The following FHIT variants were observed in gnomAD, a reference collection of about 807,000 sequenced individuals.
FHIT encodes the protein bis(5'-adenosyl)-triphosphatase.
A neutral mutation model predicts 17.9 loss-of-function variants in FHIT; 19 were observed. The ratio of observed to expected loss-of-function variants is 1.06; its 90% CI spans 0.74 to 1.56. FHIT has a LOEUF of 1.56. Ranked by LOEUF, FHIT falls within the 40% of genes most tolerant of loss-of-function variation. The probability of loss-of-function intolerance (pLI) is 0.00; values close to 1 mark genes in which losing one functional copy is unlikely to be tolerated. For missense variants in FHIT, 248 were observed against 189.2 expected (o/e 1.31, Z -1.82); for synonymous variants, 81 against 69.7 (o/e 1.16, Z -0.81).
chr3:59,930,565 G>A (rs565138754), intron 7 of FHIT, among the ~76,000 whole-genome samples: 46 of 152,230 alleles, frequency 3.0e-4, no homozygotes, highest in Non-Finnish European at 5.6e-4. Flanking sequence ...ACCAGAAAGG[G>A]CGGCAGGCTT....
At chr3:60,003,953 A>T (rs1231949731) in intron 7 of FHIT, among the ~76,000 whole-genome samples, 3 of 151,654 alleles carry the variant, frequency 2.0e-5, no homozygotes, top group Admixed American at 2.0e-4. Flanking sequence ...AGCTGATTAC[A>T]TGGAGTTAGA....
intron 6 of FHIT, among the ~76,000 whole-genome samples, chr3:60,012,266 G>GTTTTTTTTTTT (rs769497004): frequency 3.6e-5 from 4 of 112,478 alleles, no homozygotes; most frequent in Admixed American, 9.6e-5. Flanking sequence ...TTTTTTTGTT[G>GTTTTTTTTTTT]TTTTTTTTTT....
chr3:60,071,854 G>T (rs541160868), intron 5 of FHIT, among the ~76,000 whole-genome samples: 2 of 152,300 alleles, frequency 1.3e-5, no homozygotes, highest in East Asian at 3.9e-4. Flanking sequence ...TAGTGAATAA[G>T]TCTAATGAGA....
At chr3:60,033,205 T>G (rs1454173794) in intron 5 of FHIT, among the ~76,000 whole-genome samples, 2 of 152,034 alleles carry the variant, frequency 1.3e-5, no homozygotes, top group African/African-American at 2.4e-5. Flanking sequence ...TTTTGTGAAA[T>G]ATGATAATGG....
chr3:60,884,326 A>C (rs1231902343), intron 3 of FHIT, among the ~76,000 whole-genome samples: 1 of 152,152 alleles, frequency 6.6e-6, no homozygotes, highest in Non-Finnish European at 1.5e-5. Context: ...AAAAACTAAA[A>C]ATATCTACAA....
chr3:60,684,362 T>C (rs2040815255), intron 4 of FHIT, among the ~76,000 whole-genome samples: 1 of 152,114 alleles, frequency 6.6e-6, no homozygotes, highest in Non-Finnish European at 1.5e-5. Flanking sequence ...TCACAAGCTC[T>C]AGAAATTTGA....
At chr3:60,960,564 C>T (rs1330377299) in intron 3 of FHIT, among the ~76,000 whole-genome samples, 5 of 152,146 alleles carry the variant, frequency 3.3e-5, no homozygotes, top group African/African-American at 7.2e-5. Context: ...TAATGCTATC[C>T]GTCCCTCCTC....
chr3:60,959,978 T>C (rs533202223), intron 3 of FHIT, among the ~76,000 whole-genome samples: 140 of 152,142 alleles, frequency 9.2e-4, no homozygotes, highest in Non-Finnish European at 1.1e-3. Flanking sequence ...GCAAAAAATA[T>C]ATACTTTGTA....
intron 3 of FHIT, among the ~76,000 whole-genome samples, chr3:60,903,378 T>C (rs1284482389): frequency 3.9e-5 from 6 of 152,250 alleles, no homozygotes; most frequent in African/African-American, 1.4e-4. Context: ...AAGTAACTTT[T>C]TAAACCCATT....
At chr3:60,177,624 T>C (rs775098477) in intron 5 of FHIT, among the ~76,000 whole-genome samples, 2 of 152,170 alleles carry the variant, frequency 1.3e-5, no homozygotes, top group African/African-American at 4.8e-5. Context: ...TTTAGCACCA[T>C]TGTTTTGCAC....
chr3:60,751,082 T>G (rs2042456436), intron 4 of FHIT, among the ~76,000 whole-genome samples: 1 of 152,238 alleles, frequency 6.6e-6, no homozygotes, highest in South Asian at 2.1e-4. Context: ...TCAGTCATCT[T>G]TCTAACCCTA....
chr3:59,995,929 G>T (rs1699489131), intron 7 of FHIT, among the ~76,000 whole-genome samples: 1 of 152,056 alleles, frequency 6.6e-6, no homozygotes, highest in South Asian at 2.1e-4. Flanking sequence ...CGGACTCTCT[G>T]ATCAGCCTTT....
At chr3:60,520,800 T>C (rs557984819) in intron 5 of FHIT, among the ~76,000 whole-genome samples, 5 of 152,034 alleles carry the variant, frequency 3.3e-5, no homozygotes, top group African/African-American at 9.7e-5. Flanking sequence ...CTAAACCCCC[T>C]GAGGGTTTAA....
chr3:60,683,107 G>A (rs1026456743), intron 4 of FHIT, among the ~76,000 whole-genome samples: 2 of 152,146 alleles, frequency 1.3e-5, no homozygotes, highest in African/African-American at 2.4e-5. Context: ...TGCTTCTTAC[G>A]GGTAAGCAAA....
intron 4 of FHIT, among the ~76,000 whole-genome samples, chr3:60,769,649 G>A (rs782387715): frequency 6.6e-5 from 10 of 152,172 alleles, no homozygotes; most frequent in Middle Eastern, 3.2e-3. Context: ...ATCAGAAGTC[G>A]GGTATAGAAA....
intron 1 of FHIT, among the ~76,000 whole-genome samples, chr3:61,243,098 G>A (rs1363394102): frequency 2.0e-5 from 3 of 152,174 alleles, no homozygotes; most frequent in Non-Finnish European, 4.4e-5. Flanking sequence ...TCTGGCCTAC[G>A]CACAGGAATG....
At chr3:61,190,550 T>A (rs568393034) in intron 2 of FHIT, among the ~76,000 whole-genome samples, 2 of 152,066 alleles carry the variant, frequency 1.3e-5, no homozygotes, top group Non-Finnish European at 2.9e-5. Flanking sequence ...AGAACTAGAA[T>A]TACCATTTGA....
chr3:61,004,402 G>A (rs977562916), intron 3 of FHIT, among the ~76,000 whole-genome samples: 8 of 152,144 alleles, frequency 5.3e-5, no homozygotes, highest in African/African-American at 1.9e-4. Context: ...ATGGCCCACT[G>A]AAATTAGAAT....
intron 7 of FHIT, among the ~76,000 whole-genome samples, chr3:59,954,047 C>T (rs1001318973): frequency 4.6e-5 from 7 of 152,124 alleles, no homozygotes; most frequent in African/African-American, 1.7e-4. Flanking sequence ...TGGGAAATGG[C>T]TCAATCAAGC....
Sources: allele counts gnomAD v4.1 joint callset (sites outside exome capture counted in the v4.1 genomes callset), GRCh38; gene constraint gnomAD v4.1.1; transcripts MANE v1.5; gene names NCBI Gene and HGNC (gene_info 2026-07-23, HGNC 2026-07-21).